The following MYO16 variants were observed in gnomAD, a reference collection of about 807,000 sequenced individuals.
MYO16 encodes myosin XVI, also known as unconventional myosin-XVI.
A neutral mutation model predicts 205.3 loss-of-function variants in MYO16; 94 were observed. The observed-to-expected ratio is 0.46, with a 90% CI of 0.39 to 0.54. The LOEUF is 0.54. MYO16 is among the 20% of genes least tolerant of loss of function. The pLI is 0.00. For synonymous variants in MYO16, 988 were observed against 954.0 expected (o/e 1.04, Z -0.66); for missense variants, 2,315 against 2,387.5 (o/e 0.97, Z 0.63).
chr13:108,866,054 T>C, intron 11 of MYO16, 123 bp from the exon 12 acceptor site: 3 of 580,122 alleles, frequency 5.2e-6, no homozygotes, highest in Non-Finnish European at 5.3e-6. Flanking sequence ...AATAGCAAAA[T>C]ACTAAAGTAG....
intron 7 of MYO16, among the ~76,000 whole-genome samples, chr13:108,816,499 C>T (rs1388546360): frequency 6.6e-6 from 1 of 152,128 alleles, no homozygotes; most frequent in African/African-American, 2.4e-5. Context: ...ATCTCTCCCC[C>T]ACATATTTTG....
chr13:108,840,879 A>G (rs1452772770), intron 9 of MYO16, among the ~76,000 whole-genome samples: 2 of 152,218 alleles, frequency 1.3e-5, no homozygotes, highest in Non-Finnish European at 2.9e-5. Flanking sequence ...AAGCTAAAAC[A>G]TATTGATGAA....
In MYO16 at chr13:109,102,506, GTGTA is replaced by G. The variant is rs869162776; in HGVS notation, c.3438+1621_3438+1624del. 1.4e-3 allele frequency among the ~76,000 whole-genome samples: 196 copies of G among 144,462 alleles called. 4 individuals carry two copies. In the East Asian group the frequency reaches 0.031, roughly 23 times the overall value. 94.8% of individuals were successfully genotyped at this position (144,462 alleles called of 152,430 possible). On this transcript the variant is annotated intron_variant, in intron 28 of 34. Coordinates refer to ENST00000457511, the MANE Select transcript of MYO16 (RefSeq NM_001198950.3). ...TGTATATATGTATATGTGTGTGTGT[GTGTA>G]TATATATATATATATCTGTGAGATA...
chr13:108,986,522 T>C (rs577320226), intron 20 of MYO16, among the ~76,000 whole-genome samples: 1 of 148,276 alleles, frequency 6.7e-6, no homozygotes, highest in South Asian at 2.1e-4. Context: ...CTCAGGAGGC[T>C]GAGGCAGGAA....
chr13:108,836,986 GT>G (rs1876957485), intron 9 of MYO16, among the ~76,000 whole-genome samples: 1 of 152,114 alleles, frequency 6.6e-6, no homozygotes, highest in Non-Finnish European at 1.5e-5. Flanking sequence ...AAGGCATGAT[GT>G]TTGAAATGTG....
At chr13:108,753,370 C>CAAAAAAAAAAAAA (rs534466420) in intron 4 of MYO16, among the ~76,000 whole-genome samples, 15 of 111,780 alleles carry the variant, frequency 1.3e-4, no homozygotes, top group South Asian at 5.4e-4. Flanking sequence ...AACTCTGTGA[C>CAAAAAAAAAAAAA]AAAAAAAAAA....
At chr13:108,766,869 T>C (rs1885793066) in intron 4 of MYO16, among the ~76,000 whole-genome samples, 1 of 152,192 alleles carries the variant, frequency 6.6e-6, no homozygotes, top group South Asian at 2.1e-4. Flanking sequence ...TGAAAAATGC[T>C]CTTTTCATTC....
intron 12 of MYO16, among the ~76,000 whole-genome samples, chr13:108,880,021 CTGT>C (rs1354425354): frequency 1.3e-5 from 2 of 152,164 alleles, no homozygotes; most frequent in East Asian, 3.8e-4. Context: ...TCTCCAGCAC[CTGT>C]TGTTTCCTGA....
At chr13:108,730,854 C>G (rs1323968332) in intron 4 of MYO16, among the ~76,000 whole-genome samples, 1 of 152,182 alleles carries the variant, frequency 6.6e-6, no homozygotes. Flanking sequence ...TCTAGACACT[C>G]CTTCTCTGTA....
At chr13:109,118,074 C>T (rs1875812103) in intron 28 of MYO16, among the ~76,000 whole-genome samples, 1 of 152,204 alleles carries the variant, frequency 6.6e-6, no homozygotes, top group South Asian at 2.1e-4. Context: ...TCACACCCAT[C>T]ATCTCAAGAT....
chr13:108,929,626 G>A (rs1309677940), intron 16 of MYO16, among the ~76,000 whole-genome samples: 1 of 152,192 alleles, frequency 6.6e-6, no homozygotes, highest in African/African-American at 2.4e-5. Context: ...TCACAACTCA[G>A]GAGAGGGGAT....
chr13:108,863,326 C>T lies in MYO16; in HGVS notation c.1360-2851C>T, dbSNP rs966079184. Among the ~76,000 whole-genome samples, 37 of 152,074 alleles carry T rather than the reference C, an allele frequency of 2.4e-4. 1 individual carries two copies. Among genetic ancestry groups the T allele is most frequent in the Admixed American group, 6.6e-4 (10 of 15,266 alleles). ...CATGAAGAAATTTGTGGTAGCTATG[C>T]CATAGGTATCATTACTTTTCATTAG... is the stretch of plus-strand genomic sequence containing the variant. On this transcript the variant is annotated intron_variant, in intron 11 of 34. Coordinates refer to ENST00000457511, the MANE Select transcript of MYO16 (RefSeq NM_001198950.3).
intron 2 of MYO16, among the ~76,000 whole-genome samples, chr13:108,670,391 A>G (rs982032055): frequency 2.0e-5 from 3 of 152,198 alleles, no homozygotes; most frequent in Non-Finnish European, 4.4e-5. Flanking sequence ...CTAGGAGACT[A>G]TGGAGTACAG....
chr13:108,962,029 A>C (rs1538221), intron 18 of MYO16, among the ~76,000 whole-genome samples: 90,966 of 152,084 alleles, frequency 0.6, 29,829 homozygotes, highest in South Asian at 0.82. Flanking sequence ...ATCTTGCCAA[A>C]AATCTCTCTC....
intron 4 of MYO16, among the ~76,000 whole-genome samples, chr13:108,780,994 A>G (rs1380979296): frequency 1.3e-5 from 2 of 152,228 alleles, no homozygotes; most frequent in Admixed American, 1.3e-4. Context: ...AAAGAGCCTG[A>G]TGACTTCTTT....
In MYO16 at chr13:109,141,538, A is replaced by C. The variant is rs543639448; in HGVS notation, c.5164+162A>C. On this transcript the variant is annotated intron_variant, in intron 32 of 34. Transcript: ENST00000457511. This position sits in a 1 kb window ranked among gnomAD's most constrained non-coding sequence, Gnocchi z 4.1. Reference sequence around the variant, plus strand: ...CTTTAAAAAAAAATCGTATACACCCACTGTGACCAAATAGGTAGGAATTAA... The same window carrying C: ...CTTTAAAAAAAAATCGTATACACCCCCTGTGACCAAATAGGTAGGAATTAA... 2.0e-5 allele frequency among the ~76,000 whole-genome samples: 3 copies of C among 152,144 alleles called. No individual in the cohort carries two copies. Among genetic ancestry groups the C allele is most frequent in the Non-Finnish European group, 4.4e-5 (3 of 68,026 alleles).
intron 32 of MYO16, among the ~76,000 whole-genome samples, chr13:109,157,421 C>T (rs1878122559): frequency 6.6e-6 from 1 of 152,104 alleles, no homozygotes; most frequent in Non-Finnish European, 1.5e-5. Flanking sequence ...GTCAGCTCTG[C>T]CTCTGCGGCA....
At chr13:108,501,779 C>A in the MYO16 span, among the ~76,000 whole-genome samples, 1 of 152,182 alleles carries the variant, frequency 6.6e-6, no homozygotes, top group East Asian at 1.9e-4. Flanking sequence ...CCGACTGAGA[C>A]TCTGCAGCGC....
rs780205040 is a variant in MYO16 at position 108,665,910 on chromosome 13, T to G, written c.53T>G (p.Phe18Cys). Reference sequence around the variant, plus strand: ...GGTTGCTTTCAGCTATGTAACGTTTTTCGATCCCATGAGATGGAAATCGAC... The same window carrying G: ...GGTTGCTTTCAGCTATGTAACGTTTGTCGATCCCATGAGATGGAAATCGAC... ...KCCCFQLCNV[F>C]RSHEMEIDQC... The change falls in exon 2 of 35, where the codon TTT becomes TGT. Residue 18 changes from phenylalanine to cysteine, a missense_variant. Transcript: ENST00000457511. The G allele has an allele frequency of 2.5e-6, 4 of 1,613,996 alleles. No homozygotes were observed. Among genetic ancestry groups the G allele is most frequent in the Non-Finnish European group, 3.4e-6 (4 of 1,179,898 alleles).
Sources: gnomAD v4.1 joint callset for allele counts (sites outside exome capture counted in the v4.1 genomes callset) on GRCh38, gnomAD v4.1.1 for gene constraint, Gnocchi (gnomAD v3.1) non-coding constraint, MANE v1.5 for transcripts, NCBI Gene and HGNC (gene_info 2026-07-23, HGNC 2026-07-21) for gene names.